CEP72: variants seen among roughly 807,000 people sequenced by gnomAD.
The protein encoded by CEP72 is centrosomal protein 72.
Under a neutral mutation model 65.7 loss-of-function variants are expected in CEP72, and 78 were observed. That is an observed-to-expected ratio of 1.19 (90% confidence interval 0.99 to 1.43). CEP72 has a LOEUF of 1.43. CEP72 is among the 40% of genes most tolerant of loss of function. CEP72 has a pLI of 0.00. For missense variants in CEP72, 914 were observed against 832.9 expected, an observed-to-expected ratio of 1.10 and a Z score of -1.20; for synonymous variants, 358 against 351.7, an observed-to-expected ratio of 1.02 and a Z score of -0.20.
chr5:620,546 C>T (rs564698074), intron 3 of CEP72, among the ~76,000 whole-genome samples: 3 of 152,298 alleles, frequency 2.0e-5, no homozygotes, highest in South Asian at 2.1e-4. Flanking sequence ...TGGCTCTCCG[C>T]GTCATGGCTG....
chr5:635,456 G>A lies in CEP72; in HGVS notation c.776G>A (p.Ser259Asn), dbSNP rs1579977910. ...GKQGRETRRS[S>N]CRGCCLEKMP... ...CAGGGCCGTGAGACGAGGAGGAGCA[G>A]CTGCAGAGGGTGCTGTCTGGAGAAG... The change falls in exon 6 of 12, where the codon AGC becomes AAC. Residue 259 changes from serine to asparagine, a missense_variant. Physicochemically the swap from Ser to Asn is conservative, Grantham distance 46 (BLOSUM62 1). Coordinates refer to ENST00000264935, the MANE Select transcript of CEP72 (RefSeq NM_018140.4). The A allele has an allele frequency of 6.2e-7, 1 of 1,614,068 alleles. No homozygotes were observed. The highest frequency in any genetic ancestry group is 2.2e-5 in the East Asian group (1 of 44,882).
intron 2 of CEP72, chr5:664,961 C>T: frequency 1.1e-6 from 1 of 951,966 alleles, no homozygotes; most frequent in South Asian, 1.6e-5. Context: ...AGGAGGGAGG[C>T]CTGGGCCTGG....
chr5:637,476 G>T (rs367809792), intron 6 of CEP72, 41 bp from the exon 7 acceptor site: 198 of 1,571,220 alleles, frequency 1.3e-4, no homozygotes, highest in Non-Finnish European at 1.7e-4. Context: ...TGCACCCAGA[G>T]AATTTGGCCT....
intron 11 of CEP72, among the ~76,000 whole-genome samples, chr5:648,699 G>C (rs555325024): frequency 0.012 from 1,546 of 133,150 alleles, 76 homozygotes; most frequent in Non-Finnish European, 0.019. Context: ...TGTGAGGCGT[G>C]AATGTGAGGC....
rs1182321695 is a variant in CEP72 at position 639,145 on chromosome 5, G to A, written c.1263G>A (p.Ala421=). The stretch of plus-strand genomic sequence containing the variant: ...GGAAGAAGACGGCCCTGCAGGCGGC[G>A]CTCCTGGAGACGCTCTTGGACCTGG... ...LPGKKTALQA[A]LLETLLDLVD... is the part of the protein sequence containing the mutation. Residue 421 remains alanine, a synonymous_variant, in exon 8 of 12, where the codon GCG becomes GCA. Transcript: ENST00000264935. 6.2e-6 allele frequency: 10 copies of A among 1,612,932 alleles called. No individual in the cohort carries two copies. The highest frequency in any genetic ancestry group is 3.3e-5 in the South Asian group (3 of 91,036).
At chr5:631,840 A>C (rs1444282059) in intron 4 of CEP72, among the ~76,000 whole-genome samples, 9 of 18,608 alleles carry the variant, frequency 4.8e-4, no homozygotes, top group Admixed American at 1.4e-3. Context: ...CGGGATTTAG[A>C]CCAGTCCTGG....
intron 1 of CEP72, among the ~76,000 whole-genome samples, chr5:613,146 T>G (rs1735780925): frequency 6.6e-6 from 1 of 152,208 alleles, no homozygotes; most frequent in African/African-American, 2.4e-5. Flanking sequence ...TGAGCTAACT[T>G]GTGGAGTGTG....
intron 9 of CEP72, 145 bp from the exon 10 acceptor site, chr5:644,154 G>T (rs1738256635): frequency 1.9e-5 from 17 of 888,898 alleles, no homozygotes; most frequent in Non-Finnish European, 2.6e-5. Context: ...GAGATGTACC[G>T]TGAAACTGAA....
At chr5:634,060 A>T in intron 5 of CEP72, 113 bp downstream of exon 5, 1 of 915,586 alleles carries the variant, frequency 1.1e-6, no homozygotes. Flanking sequence ...ACCTTGAAGG[A>T]TAGGATCTTC....
At chr5:660,109 A>G (rs1739519452), downstream of CEP72, 1 of 152,308 alleles carries the variant, frequency 6.6e-6, no homozygotes, top group South Asian at 2.1e-4. Flanking sequence ...TTTCAGAGTC[A>G]GAACAGCCAT....
In CEP72 at chr5:665,243, C is replaced by T. The variant is rs778130148; in HGVS notation, n.351C>T. On this transcript the variant is annotated non_coding_transcript_exon_variant, in exon 3 of 5. Coordinates refer to the CEP72 transcript ENST00000514507. ...GGTCGAAGCGCTCCTTGTGGGAGCC[C>T]GTGAACTTGGTGGTGTCCGTGAGCC... 38 of 1,613,648 alleles carry T rather than the reference C, an allele frequency of 2.4e-5. No homozygotes were observed. The highest frequency in any genetic ancestry group is 2.7e-5 in the African/African-American group (2 of 74,908).
intron 7 of CEP72, among the ~76,000 whole-genome samples, chr5:638,438 A>C (rs1737768945): frequency 6.6e-6 from 1 of 151,968 alleles, no homozygotes; most frequent in South Asian, 2.1e-4. Context: ...GGGGCTGTTC[A>C]CTTGGTACTT....
At chr5:617,511 G>A (rs114116350) in intron 1 of CEP72, among the ~76,000 whole-genome samples, 1 of 152,256 alleles carries the variant, frequency 6.6e-6, no homozygotes, top group African/African-American at 2.4e-5. Flanking sequence ...AGACTGTCAC[G>A]GAAACCCTTT....
chr5:633,257 G>T (rs1213669458), intron 4 of CEP72, among the ~76,000 whole-genome samples: 1 of 102,878 alleles, frequency 9.7e-6, no homozygotes, highest in Admixed American at 9.4e-5. Flanking sequence ...TCCTGGTGGG[G>T]TGCTGTCCAG....
intron 6 of CEP72, 97 bp downstream of exon 6, chr5:635,681 C>A: frequency 1.9e-6 from 2 of 1,047,058 alleles, no homozygotes; most frequent in Non-Finnish European, 1.4e-6. Flanking sequence ...GCTCATGGTT[C>A]TGGAGGCTGG....
intron 2 of CEP72, chr5:664,846 T>A: frequency 2.0e-6 from 1 of 510,236 alleles, no homozygotes; most frequent in East Asian, 3.3e-5. Flanking sequence ...CGAGACACTT[T>A]GGAAATGGCT....
intron 1 of CEP72, among the ~76,000 whole-genome samples, chr5:614,790 G>T (rs1267533436): frequency 6.6e-6 from 1 of 152,102 alleles, no homozygotes; most frequent in Non-Finnish European, 1.5e-5. Flanking sequence ...AATTTGTCAG[G>T]GTTTGTTTTA....
At chr5:641,674 A>G in intron 9 of CEP72, 4 of 984,180 alleles carry the variant, frequency 4.1e-6, no homozygotes, top group Non-Finnish European at 4.8e-6. Flanking sequence ...CTCTGTATTT[A>G]AACACACGTG....
chr5:619,291 G>A (rs976078316), intron 2 of CEP72, among the ~76,000 whole-genome samples, 174 bp downstream of exon 2: 4 of 152,186 alleles, frequency 2.6e-5, no homozygotes, highest in African/African-American at 7.2e-5. Context: ...ATCACGTTAC[G>A]TTGTGTTGTC....
Sources: allele counts gnomAD v4.1 joint callset (sites outside exome capture counted in the v4.1 genomes callset), GRCh38; gene constraint gnomAD v4.1.1; transcripts MANE v1.5; gene names NCBI Gene and HGNC (gene_info 2026-07-23, HGNC 2026-07-21).